The following ZNF277 variants were observed in gnomAD, a reference collection of about 807,000 sequenced individuals.
ZNF277 encodes nuclear receptor-interacting factor 4.
Under a neutral mutation model 60.7 loss-of-function variants are expected in ZNF277, and 55 were observed. The ratio of observed to expected loss-of-function variants is 0.91; its 90% CI spans 0.73 to 1.13. ZNF277 has a LOEUF of 1.13. Among genes scored for constraint, ZNF277 ranks in the 50% most tolerant of loss-of-function variants. ZNF277 has a pLI of 0.00. For synonymous variants in ZNF277, 178 were observed against 179.3 expected (o/e 0.99, Z 0.06); for missense variants, 510 against 523.0 (o/e 0.98, Z 0.24).
At chr7:112,296,194 C>A in intron 3 of ZNF277, 35 bp from the exon 4 acceptor site, 1 of 1,405,362 alleles carries the variant, frequency 7.1e-7, no homozygotes, top group African/African-American at 1.4e-5. Flanking sequence ...TGGTTAATAT[C>A]TGTTTTCTTA....
chr7:112,291,567 A>C (rs1792207020), intron 2 of ZNF277, among the ~76,000 whole-genome samples: 1 of 152,198 alleles, frequency 6.6e-6, no homozygotes, highest in South Asian at 2.1e-4. Flanking sequence ...AAGTAGGAAA[A>C]ATACAGAAGA....
chr7:112,260,062 T>C (rs1459386306), intron 1 of ZNF277, among the ~76,000 whole-genome samples: 29 of 151,912 alleles, frequency 1.9e-4, no homozygotes, highest in Admixed American at 1.9e-3. Context: ...AGTCCAGGAG[T>C]TGGAGACCAG....
chr7:112,296,371 A>C, intron 4 of ZNF277, 60 bp downstream of exon 4: 1 of 840,796 alleles, frequency 1.2e-6, no homozygotes, highest in Non-Finnish European at 1.8e-6. Flanking sequence ...TACATATAAA[A>C]TCATATTGGT....
At chr7:112,209,617 ATG>A (rs1821682700) in intron 1 of ZNF277, among the ~76,000 whole-genome samples, 1 of 152,292 alleles carries the variant, frequency 6.6e-6, no homozygotes, top group East Asian at 1.9e-4. Context: ...TTGATTTTTT[ATG>A]TCATTTTTAT....
chr7:112,282,368 A>G (rs1791966356), intron 1 of ZNF277, among the ~76,000 whole-genome samples: 1 of 152,224 alleles, frequency 6.6e-6, no homozygotes, highest in Non-Finnish European at 1.5e-5. Flanking sequence ...ACATAAGAGG[A>G]ATGTCTAACT....
intron 1 of ZNF277, among the ~76,000 whole-genome samples, chr7:112,210,597 G>A (rs903817173): frequency 4.0e-5 from 6 of 151,166 alleles, no homozygotes; most frequent in Admixed American, 1.3e-4. Context: ...ACAGCCTCCC[G>A]AGTAGCTGGG....
At chr7:112,317,400 C>T (rs1268789085) in intron 4 of ZNF277, among the ~76,000 whole-genome samples, 2 of 152,142 alleles carry the variant, frequency 1.3e-5, no homozygotes, top group Admixed American at 1.3e-4. Flanking sequence ...CTCCATGTTT[C>T]AGAGCCTGAG....
At chr7:112,257,508 G>C (rs1791343905) in intron 1 of ZNF277, among the ~76,000 whole-genome samples, 1 of 152,198 alleles carries the variant, frequency 6.6e-6, no homozygotes, top group African/African-American at 2.4e-5. Context: ...AGAAATGAGG[G>C]AAGTGGAATA....
chr7:112,265,191 G>C (rs959183526), intron 1 of ZNF277, among the ~76,000 whole-genome samples: 7 of 152,060 alleles, frequency 4.6e-5, no homozygotes, highest in African/African-American at 1.7e-4. Context: ...AATCTGTCTT[G>C]GCTTTCCACT....
intron 1 of ZNF277, among the ~76,000 whole-genome samples, chr7:112,263,396 G>T (rs779549535): frequency 2.6e-5 from 4 of 152,182 alleles, no homozygotes; most frequent in Non-Finnish European, 5.9e-5. Flanking sequence ...AACTGTTTAT[G>T]ATTCTTACTA....
chr7:112,311,318 T>C (rs1792728313), intron 4 of ZNF277, among the ~76,000 whole-genome samples: 1 of 152,152 alleles, frequency 6.6e-6, no homozygotes, highest in African/African-American at 2.4e-5. Flanking sequence ...ATATAGCTTA[T>C]TATTATGACT....
intron 4 of ZNF277, among the ~76,000 whole-genome samples, chr7:112,299,041 C>T (rs1480544998): frequency 2.0e-5 from 3 of 151,970 alleles, no homozygotes; most frequent in African/African-American, 7.3e-5. Flanking sequence ...AAAGCAGAGG[C>T]AGTTTACAAT....
chr7:112,334,881 GGCC>G (rs1793300606), intron 7 of ZNF277, among the ~76,000 whole-genome samples: 1 of 152,084 alleles, frequency 6.6e-6, no homozygotes, highest in Non-Finnish European at 1.5e-5. Context: ...GCAGTGTTGA[GGCC>G]ATTTTTGGTG....
intron 1 of ZNF277, among the ~76,000 whole-genome samples, chr7:112,249,291 A>G (rs185060494): frequency 1.7e-3 from 259 of 152,284 alleles, no homozygotes; most frequent in African/African-American, 5.8e-3. Context: ...TTTAACCAAT[A>G]AATACATAGG....
chr7:112,295,695 C>T (rs985866962), intron 2 of ZNF277, among the ~76,000 whole-genome samples, 174 bp from the exon 3 acceptor site: 5 of 152,048 alleles, frequency 3.3e-5, no homozygotes, highest in African/African-American at 1.2e-4. Flanking sequence ...TTATTTGATA[C>T]TTCTATAATG....
intron 4 of ZNF277, among the ~76,000 whole-genome samples, chr7:112,296,908 ATTTATTTTTTTTTTTTTTTTTTT>A (rs1792357747): frequency 2.7e-5 from 1 of 37,186 alleles, no homozygotes; most frequent in Non-Finnish European, 4.7e-5. Context: ...TTATTTATTT[ATTTATTTTTTTTTTTTTTTTTTT>A]TTTTTTTTTT....
At chr7:112,211,337 T>C (rs1441353079) in intron 1 of ZNF277, among the ~76,000 whole-genome samples, 1 of 152,234 alleles carries the variant, frequency 6.6e-6, no homozygotes, top group East Asian at 1.9e-4. Context: ...TCTGCGCCTG[T>C]AGTATATTTT....
intron 5 of ZNF277, among the ~76,000 whole-genome samples, chr7:112,323,518 C>T (rs902263861): frequency 6.6e-6 from 1 of 152,156 alleles, no homozygotes; most frequent in Admixed American, 6.5e-5. Context: ...CAGAATGGCC[C>T]ACTTGTATTC....
At chr7:112,329,721 A>G (rs899376040) in intron 6 of ZNF277, among the ~76,000 whole-genome samples, 1 of 152,224 alleles carries the variant, frequency 6.6e-6, no homozygotes, top group Non-Finnish European at 1.5e-5. Context: ...TAATTATTAC[A>G]TACAATGGGT....
Sources: gnomAD v4.1 joint callset for allele counts (sites outside exome capture counted in the v4.1 genomes callset) on GRCh38, gnomAD v4.1.1 for gene constraint, MANE v1.5 for transcripts, NCBI Gene and HGNC (gene_info 2026-07-23, HGNC 2026-07-21) for gene names.